The following VAV2 variants were observed in gnomAD, a reference collection of about 807,000 sequenced individuals.
VAV2 encodes guanine nucleotide exchange factor VAV2.
VAV2 carries 67 observed loss-of-function variants against 132.5 expected under a neutral mutation model. The observed-to-expected ratio is 0.51, with a 90% CI of 0.42 to 0.62. VAV2 has a LOEUF of 0.62. Ranked by LOEUF, VAV2 falls within the 20% of genes least tolerant of loss-of-function variation. The pLI is 0.00. For synonymous variants in VAV2, 492 were observed against 443.5 expected (o/e 1.11, Z -1.37); for missense variants, 938 against 1,153.6 (o/e 0.81, Z 2.71).
chr9:133,824,716 C>T lies in VAV2; in HGVS notation c.449+9556G>A, dbSNP rs1431865722. On this transcript the variant is annotated intron_variant, in intron 4 of 29. Coordinates refer to ENST00000371850, the MANE Select transcript of VAV2 (RefSeq NM_001134398.2). This position sits in a 1 kb window ranked among gnomAD's most constrained non-coding sequence, Gnocchi z 5.2. ...TCCCAGGTCTGTGGGGCAGGGAGGG[C>T]TCCTTTAGCCACCCCTGGGGTTAGG... 6.6e-6 allele frequency among the ~76,000 whole-genome samples: 1 copy of T among 152,062 alleles called. No homozygotes were observed. The highest frequency in any genetic ancestry group is 1.5e-5 in the Non-Finnish European group (1 of 67,994).
Position 133,935,013 on chromosome 9 carries a change from C to T in VAV2, c.321+4090G>A, listed in dbSNP as rs1840853641. 6.6e-6 allele frequency among the ~76,000 whole-genome samples: 1 copy of T among 152,024 alleles called. No individual in the cohort carries two copies. The highest frequency in any genetic ancestry group is 1.5e-5 in the Non-Finnish European group (1 of 67,988). On this transcript the variant is annotated intron_variant, in intron 2 of 29. Transcript: ENST00000371850. The surrounding 1 kb of genome is among the most constrained non-coding windows in gnomAD (Gnocchi z 5.2). Reference sequence around the variant, plus strand: ...CCTGGAGTCCCCAGCCCCACACCCCCTCGGTTACCCCTGACCAGCCCCACC... The same window carrying T: ...CCTGGAGTCCCCAGCCCCACACCCCTTCGGTTACCCCTGACCAGCCCCACC...
At chr9:133,835,055 A>AAT (rs143940706) in intron 3 of VAV2, among the ~76,000 whole-genome samples, 183 of 149,214 alleles carry the variant, frequency 1.2e-3, no homozygotes, top group South Asian at 2.7e-3. Flanking sequence ...ATGGTATAGA[A>AAT]ATATATATAT....
At chr9:133,871,467 CGGATGGATGGATGGAT>C (rs149156422) in intron 2 of VAV2, among the ~76,000 whole-genome samples, 240 of 141,110 alleles carry the variant, frequency 1.7e-3, no homozygotes, top group African/African-American at 5.3e-3. Flanking sequence ...GATGGAGAAG[CGGATGGATGGATGGAT>C]GGATGGATGG....
At chr9:133,786,046 GCT>G in intron 16 of VAV2, 161 bp from the exon 17 acceptor site, 1 of 706,652 alleles carries the variant, frequency 1.4e-6, no homozygotes, top group South Asian at 1.5e-5. Flanking sequence ...GTGTGTACCT[GCT>G]CTCTTGCCCA....
At chr9:133,947,234 C>G (rs1198899730) in intron 1 of VAV2, among the ~76,000 whole-genome samples, 1 of 152,162 alleles carries the variant, frequency 6.6e-6, no homozygotes, top group Admixed American at 6.5e-5. Context: ...TGGCCTCGAC[C>G]CCTTATTCCT....
In VAV2 at chr9:133,788,799, T is replaced by TC. The variant is rs1274506035; in HGVS notation, c.1275-314dup. Among the ~76,000 whole-genome samples the TC allele has an allele frequency of 5.9e-5, 9 of 152,108 alleles. No individual in the cohort carries two copies. The highest frequency in any genetic ancestry group is 2.2e-4 in the African/African-American group (9 of 41,440). ...ACCCCCGACGGCTACTCCCAGTTGA[T>TC]CCCGCGCTGGACTGGGAGCCTCAAG... On this transcript the variant is annotated intron_variant, in intron 14 of 29. Transcript: ENST00000371850. The surrounding 1 kb of genome is among the most constrained non-coding windows in gnomAD (Gnocchi z 5.3).
intron 14 of VAV2, 57 bp downstream of exon 14, chr9:133,789,201 A>G (rs1588175614): frequency 6.3e-7 from 1 of 1,589,058 alleles, no homozygotes; most frequent in South Asian, 1.1e-5. Flanking sequence ...GCTCCCTGGG[A>G]GGGAGAGCCA....
chr9:133,921,305 G>A (rs926422837), intron 2 of VAV2, among the ~76,000 whole-genome samples: 1 of 152,180 alleles, frequency 6.6e-6, no homozygotes, highest in Non-Finnish European at 1.5e-5. Flanking sequence ...ATGAATGAAT[G>A]AACACATGAG....
chr9:133,852,235 T>C lies in VAV2; in HGVS notation c.380+9139A>G, dbSNP rs182902391. Among the ~76,000 whole-genome samples, 89 of 151,618 alleles carry C rather than the reference T, an allele frequency of 5.9e-4. 1 individual carries two copies. Among genetic ancestry groups the C allele is most frequent in the Non-Finnish European group, 1.1e-3 (74 of 67,874 alleles). ...ATAGACAGGGAGATGGGTGGCTTGG[T>C]GGGTGCGTGGATGGGTTGTAGGGTA... On this transcript the variant is annotated intron_variant, in intron 3 of 29. Transcript: ENST00000371850.
At chr9:133,962,421 A>G (rs919203580) in intron 1 of VAV2, among the ~76,000 whole-genome samples, 1 of 152,116 alleles carries the variant, frequency 6.6e-6, no homozygotes, top group Non-Finnish European at 1.5e-5. Context: ...CCAGAGGCAG[A>G]GGGGTGCGGG....
chr9:133,903,093 A>T (rs1839507016), intron 2 of VAV2, among the ~76,000 whole-genome samples: 1 of 151,708 alleles, frequency 6.6e-6, no homozygotes, highest in African/African-American at 2.4e-5. Context: ...AAAAAAAAAA[A>T]AAAGAGGTAG....
intron 2 of VAV2, among the ~76,000 whole-genome samples, chr9:133,888,211 T>A (rs748439062): frequency 6.6e-6 from 1 of 152,038 alleles, no homozygotes; most frequent in African/African-American, 2.4e-5. Flanking sequence ...CAGGGGAGGC[T>A]GGGGTGAGCG....
Position 133,818,729 on chromosome 9 carries a change from C to T in VAV2, c.450-6513G>A, listed in dbSNP as rs1289120114. The stretch of plus-strand genomic sequence containing the variant: ...CCCACTGGTTATGCTTCTTGGAAGC[C>T]ACTAATTGCAACATCTGGGTCATCT... On this transcript the variant is annotated intron_variant, in intron 4 of 29. Coordinates refer to ENST00000371850, the MANE Select transcript of VAV2 (RefSeq NM_001134398.2). Among the ~76,000 whole-genome samples, 60 of 152,298 alleles carry T rather than the reference C, an allele frequency of 3.9e-4. 2 individuals carry two copies. The highest frequency in any genetic ancestry group is 3.9e-3 in the Admixed American group (59 of 15,302).
At chr9:133,970,459 C>T (rs2132254734) in intron 1 of VAV2, among the ~76,000 whole-genome samples, 1 of 152,334 alleles carries the variant, frequency 6.6e-6, no homozygotes, top group South Asian at 2.1e-4. Flanking sequence ...CCTGACCACC[C>T]CCACAGCCCG....
In VAV2 at chr9:133,884,430, C is replaced by T. The variant is rs934004044; in HGVS notation, c.322-22998G>A. 2.0e-5 allele frequency among the ~76,000 whole-genome samples: 3 copies of T among 152,156 alleles called. No homozygotes were observed. Among genetic ancestry groups the T allele is most frequent in the Non-Finnish European group, 4.4e-5 (3 of 68,018 alleles). On this transcript the variant is annotated intron_variant, in intron 2 of 29. Coordinates refer to ENST00000371850, the MANE Select transcript of VAV2 (RefSeq NM_001134398.2). The surrounding 1 kb of genome is among the most constrained non-coding windows in gnomAD (Gnocchi z 5.3). ...GCAGTGGGCTGGCTGCCCTTCTCAA[C>T]GCCCGCCACACTTTGTCAATTAATT...
chr9:133,872,141 G>A (rs777706562), intron 2 of VAV2, among the ~76,000 whole-genome samples: 6 of 152,174 alleles, frequency 3.9e-5, no homozygotes, highest in African/African-American at 1.2e-4. Flanking sequence ...AGCTGTGAAC[G>A]GGACACTGGC....
intron 4 of VAV2, among the ~76,000 whole-genome samples, chr9:133,830,508 C>T (rs1836221892): frequency 6.6e-6 from 1 of 152,186 alleles, no homozygotes; most frequent in African/African-American, 2.4e-5. Context: ...TTTTGCTCTG[C>T]CCTTCTTGCT....
intron 1 of VAV2, among the ~76,000 whole-genome samples, chr9:133,951,393 C>T (rs1246443902): frequency 6.6e-6 from 1 of 152,202 alleles, no homozygotes; most frequent in East Asian, 1.9e-4. Context: ...GTCCCTCATG[C>T]CCGCCATGTC....
intron 2 of VAV2, among the ~76,000 whole-genome samples, chr9:133,903,091 A>AG (rs1165173269): frequency 6.6e-6 from 1 of 151,746 alleles, no homozygotes; most frequent in Non-Finnish European, 1.5e-5. Context: ...AAAAAAAAAA[A>AG]AAAAAGAGGT....
Sources: gnomAD v4.1 joint callset for allele counts (sites outside exome capture counted in the v4.1 genomes callset) on GRCh38, gnomAD v4.1.1 for gene constraint, Gnocchi (gnomAD v3.1) non-coding constraint, MANE v1.5 for transcripts, NCBI Gene and HGNC (gene_info 2026-07-23, HGNC 2026-07-21) for gene names.